Variants in CDKN2B-AS1 observed in about 807,000 individuals in gnomAD.
The protein encoded by CDKN2B-AS1 is CDKN2B and CDKN2A antisense cis and trans regulatory RNA 1, also known as CDKN2B antisense RNA 1 (non-protein coding).
At chr9:22,097,662 A>C (rs1825330111) in intron 4 of CDKN2B-AS1, among the ~76,000 whole-genome samples, 1 of 152,200 alleles carries the variant, frequency 6.6e-6, no homozygotes, top group South Asian at 2.1e-4. Flanking sequence ...TACAATTCTA[A>C]GAATAATATT....
At chr9:22,071,285 C>CTTTTTTTTTTTTTTTTT (rs71336509) in intron 4 of CDKN2B-AS1, among the ~76,000 whole-genome samples, 5 of 67,580 alleles carry the variant, frequency 7.4e-5, no homozygotes, top group Admixed American at 2.1e-4. Flanking sequence ...AAATATCTAG[C>CTTTTTTTTTTTTTTTTT]TTTTTTTTTT....
At chr9:22,054,845 G>A (rs919546030) in intron 3 of CDKN2B-AS1, among the ~76,000 whole-genome samples, 34 of 151,090 alleles carry the variant, frequency 2.3e-4, no homozygotes, top group Admixed American at 5.3e-4. Context: ...TCTGCCTCCC[G>A]GGTTCAAGCA....
intron 2 of CDKN2B-AS1, among the ~76,000 whole-genome samples, chr9:22,047,834 T>G (rs890071937): frequency 6.6e-6 from 1 of 151,886 alleles, no homozygotes; most frequent in Non-Finnish European, 1.5e-5. Context: ...TTGCCCAGGC[T>G]GTAATGCAGT....
At chr9:22,081,093 G>T (rs374744632) in intron 4 of CDKN2B-AS1, among the ~76,000 whole-genome samples, 2 of 152,002 alleles carry the variant, frequency 1.3e-5, no homozygotes, top group African/African-American at 4.8e-5. Context: ...AATACAATTA[G>T]GTCCATATGG....
intron 1 of CDKN2B-AS1, chr9:22,008,993 C>G: frequency 6.2e-7 from 1 of 1,613,432 alleles, no homozygotes; most frequent in East Asian, 2.2e-5. Context: ...GATAATCCAC[C>G]GTTGGCCGTA....
chr9:22,009,183 C>G (rs1009175746), intron 1 of CDKN2B-AS1: 1 of 643,592 alleles, frequency 1.6e-6, no homozygotes, highest in Non-Finnish European at 2.7e-6. Context: ...AACCAGCGGG[C>G]GCGCCTGGAT....
At chr9:22,077,726 A>T (rs1032024207) in intron 4 of CDKN2B-AS1, 1 of 152,224 alleles carries the variant, frequency 6.6e-6, no homozygotes, top group Non-Finnish European at 1.5e-5. Context: ...TGATAAAAGG[A>T]CATTGGACAA....
chr9:22,101,141 C>G (rs1364302100), intron 4 of CDKN2B-AS1, among the ~76,000 whole-genome samples: 1 of 152,154 alleles, frequency 6.6e-6, no homozygotes, highest in African/African-American at 2.4e-5. Flanking sequence ...CAGAGACACC[C>G]TTCAACAGAC....
At chr9:22,033,994 T>G (rs1313318446) in intron 1 of CDKN2B-AS1, among the ~76,000 whole-genome samples, 1 of 152,236 alleles carries the variant, frequency 6.6e-6, no homozygotes, top group Non-Finnish European at 1.5e-5. Flanking sequence ...CCAAGTATGC[T>G]TGATTCCCCA....
chr9:22,032,048 T>C (rs910612907), intron 1 of CDKN2B-AS1, among the ~76,000 whole-genome samples: 3 of 152,224 alleles, frequency 2.0e-5, no homozygotes, highest in Admixed American at 6.5e-5. Flanking sequence ...AGATTTCAGA[T>C]GAGGCCCCCA....
chr9:22,017,671 G>A (rs1017508682), intron 1 of CDKN2B-AS1, among the ~76,000 whole-genome samples: 3 of 152,156 alleles, frequency 2.0e-5, no homozygotes, highest in Non-Finnish European at 4.4e-5. Flanking sequence ...TCATTTACCA[G>A]AAATTTTTAT....
chr9:22,118,908 T>C (rs1048401046), intron 4 of CDKN2B-AS1: 4 of 152,216 alleles, frequency 2.6e-5, no homozygotes, highest in Non-Finnish European at 5.9e-5. Context: ...GGAGATATCA[T>C]GAAAATGATT....
At chr9:22,046,137 C>G (rs1167494863) in intron 1 of CDKN2B-AS1, among the ~76,000 whole-genome samples, 2 of 151,958 alleles carry the variant, frequency 1.3e-5, no homozygotes, top group African/African-American at 2.4e-5. Context: ...CTAGCTACCT[C>G]AAAGTACTGT....
chr9:22,049,923 A>G (rs1563946786), intron 3 of CDKN2B-AS1, among the ~76,000 whole-genome samples: 1 of 152,138 alleles, frequency 6.6e-6, no homozygotes, highest in Non-Finnish European at 1.5e-5. Flanking sequence ...GCAATCATAA[A>G]ATTTAGTCTT....
chr9:22,076,259 G>T (rs1824487373), intron 4 of CDKN2B-AS1, among the ~76,000 whole-genome samples: 1 of 151,886 alleles, frequency 6.6e-6, no homozygotes, highest in Non-Finnish European at 1.5e-5. Flanking sequence ...TCACCATGTT[G>T]GCCCGGCTGG....
chr9:22,040,163 A>T (rs1487505618), intron 1 of CDKN2B-AS1, among the ~76,000 whole-genome samples: 1 of 152,018 alleles, frequency 6.6e-6, no homozygotes, highest in South Asian at 2.1e-4. Flanking sequence ...AGTTTGTGGC[A>T]CTTTGTACAG....
At chr9:22,113,415 T>C (rs1305677591) in intron 4 of CDKN2B-AS1, among the ~76,000 whole-genome samples, 1 of 152,228 alleles carries the variant, frequency 6.6e-6, no homozygotes, top group Admixed American at 6.5e-5. Flanking sequence ...TTTAAGAGTT[T>C]ATGGGATTAG....
chr9:22,098,860 T>G (rs1825381694), intron 4 of CDKN2B-AS1, among the ~76,000 whole-genome samples: 1 of 152,184 alleles, frequency 6.6e-6, no homozygotes, highest in South Asian at 2.1e-4. Context: ...TGATTACATC[T>G]AGGGGCCAAA....
chr9:22,123,493 G>C (rs908362154), intron 4 of CDKN2B-AS1, among the ~76,000 whole-genome samples: 1 of 152,168 alleles, frequency 6.6e-6, no homozygotes, highest in Non-Finnish European at 1.5e-5. Flanking sequence ...AACTTCAGTA[G>C]AAGTTGGGGA....
Sources: gnomAD v4.1 joint callset for allele counts (sites outside exome capture counted in the v4.1 genomes callset) on GRCh38, gnomAD v4.1.1 for gene constraint, MANE v1.5 for transcripts, NCBI Gene and HGNC (gene_info 2026-07-23, HGNC 2026-07-21) for gene names.